SCN3B: variants seen among roughly 807,000 people sequenced by gnomAD.
The protein encoded by SCN3B is sodium voltage-gated channel beta subunit 3.
A neutral mutation model predicts 25.4 loss-of-function variants in SCN3B; 11 were observed. The ratio of observed to expected loss-of-function variants is 0.43; its 90% CI spans 0.27 to 0.72. The LOEUF (loss-of-function observed/expected upper bound fraction) is 0.72. Ranked by LOEUF, SCN3B falls within the 30% of genes least tolerant of loss-of-function variation. SCN3B has a pLI of 0.18. For synonymous variants in SCN3B, 109 were observed against 110.7 expected, an observed-to-expected ratio of 0.99 and a Z score of 0.09; for missense variants, 218 against 278.3, an observed-to-expected ratio of 0.78 and a Z score of 1.54.
At chr11:123,639,383 C>CT (rs368162532) in intron 4 of SCN3B, 2,256 of 149,602 alleles carry the variant, frequency 0.015, 58 homozygotes, top group African/African-American at 0.051. Context: ...TTTCTTTTCT[C>CT]TTTTTTTTTT....
At chr11:123,653,324 G>GTT (rs1955951910) in intron 2 of SCN3B, among the ~76,000 whole-genome samples, 3 of 113,034 alleles carry the variant, frequency 2.7e-5, no homozygotes. Flanking sequence ...CAGCTTTTAT[G>GTT]GTTTTTTTTT....
chr11:123,634,161 C>A lies in SCN3B; in HGVS notation c.630G>T (p.Ala210=). The A allele has an allele frequency of 6.2e-7, 1 of 1,613,830 alleles. No individual in the cohort carries two copies. The highest frequency in any genetic ancestry group is 2.2e-5 in the East Asian group (1 of 44,862). ...TCCTGTTCTATTCCTCCACTGGTACCGCAGAGTTCTCCTTGTTCTCAGATG... is the reference window on the plus strand; with the variant it reads ...TCCTGTTCTATTCCTCCACTGGTACAGCAGAGTTCTCCTTGTTCTCAGATG... ...AIPSENKENS[A]VPVEE The change falls in exon 6 of 7, where the codon GCG becomes GCT. Residue 210 remains alanine (A), a synonymous_variant. Coordinates refer to ENST00000299333, the MANE Select transcript of SCN3B (RefSeq NM_001040151.2).
chr11:123,634,349 C>A (rs1258892592), intron 5 of SCN3B, 143 bp from the exon 6 acceptor site: 3 of 712,494 alleles, frequency 4.2e-6, no homozygotes, highest in South Asian at 1.5e-5. Flanking sequence ...AGAAAAACAA[C>A]CTTTTCTGCA....
intron 5 of SCN3B, among the ~76,000 whole-genome samples, chr11:123,637,685 T>C (rs1277639447): frequency 2.0e-5 from 3 of 151,990 alleles, no homozygotes; most frequent in African/African-American, 7.2e-5. Context: ...TGTGCCACCA[T>C]GCCCAGCTAA....
At position 123,632,212 on chromosome 11, in the gene SCN3B, A is replaced by G. The variant is rs1032288994; in HGVS notation, c.*1587T>C. On this transcript the variant is annotated 3_prime_UTR_variant, in exon 7 of 7. Transcript: ENST00000299333. ...TAGGCGAAGTATTTGGAAAGCACCT[A>G]CCCATCCCTCCCCTCTCACACTGCT... 6.6e-6 allele frequency: 1 copy of G among 152,192 alleles called. No homozygotes were observed. The highest frequency in any genetic ancestry group is 2.4e-5 in the African/African-American group (1 of 41,448). 9.4% of individuals were successfully genotyped at this position (152,192 alleles called of 1,614,324 possible).
At chr11:123,652,982 C>A (rs1201958677) in intron 2 of SCN3B, among the ~76,000 whole-genome samples, 1 of 152,208 alleles carries the variant, frequency 6.6e-6, no homozygotes, top group African/African-American at 2.4e-5. Flanking sequence ...CTCTCTTCAG[C>A]CTTTACTGTT....
At chr11:123,648,635 T>C (rs1030468107) in intron 2 of SCN3B, among the ~76,000 whole-genome samples, 1 of 151,694 alleles carries the variant, frequency 6.6e-6, no homozygotes, top group African/African-American at 2.4e-5. Flanking sequence ...ACAGGGTCAT[T>C]GGAGGATGGC....
chr11:123,645,909 C>T (rs1354724168), intron 2 of SCN3B, among the ~76,000 whole-genome samples, 159 bp from the exon 3 acceptor site: 3 of 152,176 alleles, frequency 2.0e-5, no homozygotes, highest in Admixed American at 6.5e-5. Flanking sequence ...TACACCTTCA[C>T]CTGCGCTCCC....
intron 5 of SCN3B, among the ~76,000 whole-genome samples, chr11:123,636,038 T>C (rs1955720873): frequency 6.6e-6 from 1 of 152,178 alleles, no homozygotes; most frequent in Non-Finnish European, 1.5e-5. Flanking sequence ...TGGGAGAAAA[T>C]TGTTTACAAT....
intron 3 of SCN3B, among the ~76,000 whole-genome samples, chr11:123,643,283 C>T (rs1241173269): frequency 6.6e-6 from 1 of 152,198 alleles, no homozygotes; most frequent in African/African-American, 2.4e-5. Flanking sequence ...GAGCCATCAC[C>T]AGAGAGGCAC....
intron 1 of SCN3B, 133 bp from the exon 2 acceptor site, chr11:123,653,959 C>T: frequency 1.2e-6 from 1 of 834,350 alleles, no homozygotes; most frequent in Non-Finnish European, 2.0e-6. Flanking sequence ...CCTGGGGAGG[C>T]CCTGGGAGCT....
At position 123,629,423 on chromosome 11, in the gene SCN3B, G is replaced by A. The variant is rs569608047; in HGVS notation, c.*4376C>T. On this transcript the variant is annotated 3_prime_UTR_variant, in exon 7 of 7. Coordinates refer to ENST00000299333, the MANE Select transcript of SCN3B (RefSeq NM_001040151.2). ...CCGTGACGCAGGGAGGAAGCACAGAGCATTGCTGGCTCTGAGGGTCAGCTG... is the reference window on the plus strand; with the variant it reads ...CCGTGACGCAGGGAGGAAGCACAGAACATTGCTGGCTCTGAGGGTCAGCTG... The A allele has an allele frequency of 1.3e-5, 2 of 152,390 alleles. No individual in the cohort carries two copies. Among genetic ancestry groups the A allele is most frequent in the South Asian group, 2.1e-4 (1 of 4,830 alleles). The allele number at this position is 152,390 out of a possible 1,614,324, so 9.4% of individuals were successfully genotyped here.
In SCN3B at chr11:123,645,608, G is replaced by C; in HGVS notation, c.198C>G (p.Pro66=). The C allele has an allele frequency of 6.2e-7, 1 of 1,614,116 alleles. No individual in the cohort carries two copies. The highest frequency in any genetic ancestry group is 8.5e-7 in the Non-Finnish European group (1 of 1,180,014). ...ATTVVEWFYR[P]EGGKDFLIYE... ...ATACAAGGAAATCTTTACCGCCCTC[G>C]GGCCTGTAGAACCATTCCACCACCG... The change falls in exon 3 of 7, where the codon CCC becomes CCG. Residue 66 remains proline (P), a synonymous_variant. Coordinates refer to ENST00000299333, the MANE Select transcript of SCN3B (RefSeq NM_001040151.2).
intron 4 of SCN3B, 189 bp from the exon 5 acceptor site, chr11:123,638,513 GC>G: frequency 1.4e-6 from 1 of 731,120 alleles, no homozygotes; most frequent in Non-Finnish European, 2.2e-6. Flanking sequence ...CTGCTCAGGA[GC>G]CAGGGAAGAG....
intron 2 of SCN3B, among the ~76,000 whole-genome samples, chr11:123,651,686 G>C (rs1336656435): frequency 6.6e-6 from 1 of 152,144 alleles, no homozygotes; most frequent in Non-Finnish European, 1.5e-5. Flanking sequence ...TTTTCTTACA[G>C]TTAACAACCA....
chr11:123,645,960 C>T (rs1204129900), intron 2 of SCN3B, among the ~76,000 whole-genome samples: 2 of 152,150 alleles, frequency 1.3e-5, no homozygotes, highest in Admixed American at 1.3e-4. Context: ...TGGAGGAGAC[C>T]TGGATGATCT....
Position 123,631,279 on chromosome 11 carries a change from T to TAC in SCN3B, c.*2518_*2519dup, listed in dbSNP as rs1211148171. On this transcript the variant is annotated 3_prime_UTR_variant, in exon 7 of 7. Transcript: ENST00000299333. ...TGCATACTGCCGGGTTCAACTTAGA[T>TAC]ACACGAGCTATTGGGCCACCGAGGA... 6.6e-6 allele frequency: 1 copy of TAC among 152,178 alleles called. No homozygotes were observed. Among genetic ancestry groups the TAC allele is most frequent in the East Asian group, 1.9e-4 (1 of 5,190 alleles). The allele number at this position is 152,178 out of a possible 1,614,324, so 9.4% of individuals were successfully genotyped here. A position where few individuals can be genotyped will look rare whatever the true frequency, so the allele number is the denominator to read the frequency against.
chr11:123,649,511 G>T (rs1186711669), intron 2 of SCN3B, among the ~76,000 whole-genome samples: 1 of 152,198 alleles, frequency 6.6e-6, no homozygotes, highest in Non-Finnish European at 1.5e-5. Context: ...CTTGCCTTTT[G>T]CAGTATGACT....
intron 5 of SCN3B, 28 bp from the exon 6 acceptor site, chr11:123,634,234 A>G: frequency 1.2e-6 from 2 of 1,602,010 alleles, no homozygotes; most frequent in Non-Finnish European, 1.7e-6. Context: ...AAAGGGAATC[A>G]GAGCTTCAGT....
Sources: allele counts gnomAD v4.1 joint callset (sites outside exome capture counted in the v4.1 genomes callset), GRCh38; gene constraint gnomAD v4.1.1; transcripts MANE v1.5; gene names NCBI Gene and HGNC (gene_info 2026-07-23, HGNC 2026-07-21).